The following EIF4ENIF1 variants were observed in gnomAD, a reference collection of about 807,000 sequenced individuals.
EIF4ENIF1 encodes eukaryotic translation initiation factor 4E transporter.
EIF4ENIF1 carries 23 observed loss-of-function variants against 110.5 expected under a neutral mutation model. The ratio of observed to expected loss-of-function variants is 0.21; its 90% CI spans 0.15 to 0.29. The LOEUF (loss-of-function observed/expected upper bound fraction) is 0.29. EIF4ENIF1 is among the 10% of genes least tolerant of loss of function. EIF4ENIF1 has a pLI of 1.00. For synonymous variants in EIF4ENIF1, 440 were observed against 437.0 expected (o/e 1.01, Z -0.09); for missense variants, 1,031 against 1,221.1 (o/e 0.84, Z 2.32).
chr22:31,475,503 G>A (rs1289776275), intron 2 of EIF4ENIF1, among the ~76,000 whole-genome samples: 2 of 152,138 alleles, frequency 1.3e-5, no homozygotes, highest in African/African-American at 4.8e-5. Context: ...TGTAATCCCA[G>A]CACTATAGGA....
intron 11 of EIF4ENIF1, among the ~76,000 whole-genome samples, chr22:31,449,734 C>G (rs969144966): frequency 3.8e-4 from 55 of 143,744 alleles, no homozygotes; most frequent in Admixed American, 8.3e-4. Context: ...ATAGAGGTTC[C>G]TTTTTTTTTT....
downstream of EIF4ENIF1, among the ~76,000 whole-genome samples, chr22:31,438,328 G>A (rs2050203202): frequency 6.6e-6 from 1 of 152,202 alleles, no homozygotes; most frequent in South Asian, 2.1e-4. Flanking sequence ...TTATCCGTAA[G>A]TGCTATGTAT....
chr22:31,482,454 G>A (rs573949677), intron 2 of EIF4ENIF1, among the ~76,000 whole-genome samples: 3 of 152,298 alleles, frequency 2.0e-5, no homozygotes, highest in Non-Finnish European at 4.4e-5. Context: ...GGCCACGGCA[G>A]GTGGATCACT....
intron 2 of EIF4ENIF1, among the ~76,000 whole-genome samples, chr22:31,477,149 A>C (rs897588583): frequency 4.0e-5 from 6 of 151,842 alleles, no homozygotes; most frequent in Non-Finnish European, 7.4e-5. Flanking sequence ...GTATTACTTG[A>C]GGTCAGGAGT....
At chr22:31,479,968 T>TC (rs1326277440) in intron 2 of EIF4ENIF1, among the ~76,000 whole-genome samples, 3 of 152,126 alleles carry the variant, frequency 2.0e-5, no homozygotes, top group Non-Finnish European at 4.4e-5. Flanking sequence ...TGCCTCAGCC[T>TC]CCTAAAGTGC....
chr22:31,448,605 C>T (rs2050551143), intron 12 of EIF4ENIF1, among the ~76,000 whole-genome samples: 1 of 152,144 alleles, frequency 6.6e-6, no homozygotes, highest in Admixed American at 6.5e-5. Context: ...CAGAAGATTT[C>T]AAAAAATGCC....
intron 2 of EIF4ENIF1, among the ~76,000 whole-genome samples, chr22:31,484,540 T>TAA (rs879433677): frequency 6.5e-5 from 9 of 139,212 alleles, no homozygotes; most frequent in Non-Finnish European, 9.4e-5. Flanking sequence ...ACCACCTATT[T>TAA]AAAAAAAAAA....
At chr22:31,449,168 G>A (rs995836040) in intron 12 of EIF4ENIF1, among the ~76,000 whole-genome samples, 180 bp downstream of exon 12, 3 of 151,990 alleles carry the variant, frequency 2.0e-5, no homozygotes, top group Non-Finnish European at 4.4e-5. Flanking sequence ...GCACCACCAC[G>A]TCTGGCTATT....
chr22:31,474,329 G>A (rs897451989), intron 2 of EIF4ENIF1, among the ~76,000 whole-genome samples: 3 of 152,100 alleles, frequency 2.0e-5, no homozygotes, highest in African/African-American at 7.2e-5. Context: ...CCAAAGTGCT[G>A]GGATTACAGG....
At chr22:31,451,187 A>G (rs1005145093) in intron 10 of EIF4ENIF1, 1 of 152,208 alleles carries the variant, frequency 6.6e-6, no homozygotes, top group Non-Finnish European at 1.5e-5. Context: ...CCCTGCCTAC[A>G]CATATGGTTT....
At position 31,488,684 on chromosome 22, in the gene EIF4ENIF1, C is replaced by T; in HGVS notation, c.35G>A (p.Gly12Glu). Residue 12 changes from glycine to glutamate, a missense_variant, in exon 2 of 19, where the codon GGA (glycine) becomes GAA (glutamate). This residue lies in a region of EIF4ENIF1 where 704 missense variants were observed against 879.7 expected (regional missense o/e 0.80). Coordinates refer to ENST00000330125, the MANE Select transcript of EIF4ENIF1 (RefSeq NM_019843.4). The part of the protein sequence containing the change: ...DRRSMGETES[G>E]DAFLDLKKPP... ...CTTCTTCAGGTCAAGGAAAGCATCT[C>T]CACTTTCTGTTTCACCCATACTTCT... 6.2e-7 allele frequency: 1 copy of T among 1,614,112 alleles called. No homozygotes were observed. The highest frequency in any genetic ancestry group is 1.3e-5 in the African/African-American group (1 of 75,010).
chr22:31,460,593 C>T (rs1309807270), intron 6 of EIF4ENIF1, among the ~76,000 whole-genome samples: 3 of 151,278 alleles, frequency 2.0e-5, no homozygotes, highest in African/African-American at 7.3e-5. Context: ...CGCACCACTG[C>T]ACTCCAGCCT....
Position 31,450,740 on chromosome 22 carries a change from A to T in EIF4ENIF1, c.1513-380T>A, listed in dbSNP as rs112393033. 1,037 of 255,050 alleles carry T rather than the reference A, an allele frequency of 4.1e-3. 11 individuals are homozygous for T. Among genetic ancestry groups the T allele is most frequent in the African/African-American group, 0.022 (858 of 39,630 alleles). 15.8% of individuals were successfully genotyped at this position (255,050 alleles called of 1,614,324 possible). A position where few individuals can be genotyped will look rare whatever the true frequency, so the allele number is the denominator to read the frequency against. ...TGGAGACACACACACACACACACACACTCATATATACACACATACATATAT... is the reference window on the plus strand; with the variant it reads ...TGGAGACACACACACACACACACACTCTCATATATACACACATACATATAT... On this transcript the variant is annotated intron_variant, in intron 10 of 18. Coordinates refer to ENST00000330125, the MANE Select transcript of EIF4ENIF1 (RefSeq NM_019843.4).
At chr22:31,459,030 T>A (rs987286108) in intron 6 of EIF4ENIF1, among the ~76,000 whole-genome samples, 7 of 149,896 alleles carry the variant, frequency 4.7e-5, no homozygotes, top group African/African-American at 1.7e-4. Context: ...TGGGCTCAGG[T>A]GATCCTCCTG....
Position 31,471,893 on chromosome 22 carries a change from G to GTTC in EIF4ENIF1, c.118_120dup (p.Glu40dup). 6.2e-7 allele frequency: 1 copy of GTTC among 1,604,330 alleles called. No individual in the cohort carries two copies. Among genetic ancestry groups the GTTC allele is most frequent in the South Asian group, 1.1e-5 (1 of 88,398 alleles). On this transcript the variant is annotated inframe_insertion, in exon 3 of 19. Transcript: ENST00000330125. Reference sequence around the variant, plus strand: ...GAAGGCCTCTGTTTGGAATGGGGGAGTTCTTTTATATCCAAGAGTTCTTCC... The same window carrying GTTC: ...GAAGGCCTCTGTTTGGAATGGGGGAGTTCTTCTTTTATATCCAAGAGTTCTTCC...
chr22:31,441,126 G>T (rs2050281218), intron 17 of EIF4ENIF1, among the ~76,000 whole-genome samples: 1 of 152,174 alleles, frequency 6.6e-6, no homozygotes, highest in Admixed American at 6.6e-5. Flanking sequence ...GTAGTGGCAG[G>T]CGCCTGTAAT....
chr22:31,465,497 T>G (rs2051155227), intron 4 of EIF4ENIF1, among the ~76,000 whole-genome samples: 1 of 152,198 alleles, frequency 6.6e-6, no homozygotes, highest in South Asian at 2.1e-4. Flanking sequence ...CCTATTACAA[T>G]GGCTAAAATT....
At chr22:31,440,943 T>C (rs765953972) in intron 17 of EIF4ENIF1, 75 bp from the exon 18 acceptor site, 3 of 1,566,976 alleles carry the variant, frequency 1.9e-6, no homozygotes, top group Non-Finnish European at 2.6e-6. Flanking sequence ...CTGTACAGTT[T>C]TGCTGATCTG....
At chr22:31,483,804 C>G (rs2051917230) in intron 2 of EIF4ENIF1, among the ~76,000 whole-genome samples, 1 of 152,140 alleles carries the variant, frequency 6.6e-6, no homozygotes, top group African/African-American at 2.4e-5. Context: ...AAAATGCATA[C>G]TTAGATACTA....
Sources: allele counts gnomAD v4.1 joint callset (sites outside exome capture counted in the v4.1 genomes callset), GRCh38; gene constraint gnomAD v4.1.1; regional missense constraint gnomAD v4.1.1; transcripts MANE v1.5; gene names NCBI Gene and HGNC (gene_info 2026-07-23, HGNC 2026-07-21).